Variants in TTI2 observed in about 807,000 individuals in gnomAD.
The protein encoded by TTI2 is TELO2 interacting protein 2.
In TTI2, 26 loss-of-function variants were observed where a neutral mutation model predicts 44.9. The ratio of observed to expected loss-of-function variants is 0.58; its 90% CI spans 0.42 to 0.80. TTI2 has a LOEUF of 0.80. Ranked by LOEUF, TTI2 falls within the 30% of genes least tolerant of loss-of-function variation. The pLI, the probability that TTI2 is intolerant of heterozygous loss-of-function variation, is 0.00. For synonymous variants in TTI2, 254 were observed against 250.9 expected, an observed-to-expected ratio of 1.01 and a Z score of -0.12; for missense variants, 582 against 611.6, an observed-to-expected ratio of 0.95 and a Z score of 0.51.
intron 2 of TTI2, 37 bp from the exon 3 acceptor site, chr8:33,509,969 TG>T (rs1411616593): frequency 8.9e-7 from 1 of 1,117,802 alleles, no homozygotes; most frequent in African/African-American, 1.9e-5. Flanking sequence ...AGTGACATGG[TG>T]ATAAGTAGCA....
Position 33,509,912 on chromosome 8 carries a change from G to C in TTI2, c.668C>G (p.Pro223Arg). The change falls in exon 3 of 8, where the codon CCT (proline) becomes CGT (arginine). Residue 223 changes from proline to arginine, a missense_variant. By Grantham distance (103) the Pro-to-Arg change is moderately radical. Transcript: ENST00000431156. ...DLYKESWKNN[P>R]AIKHVFSWTL... ...CCATGAGAAAACATGTTTGATGGCA[G>C]GGTTATTCTTCCAGGATTCCCTAAG... 1 of 1,608,106 alleles carries C rather than the reference G, an allele frequency of 6.2e-7. No homozygotes were observed. Among genetic ancestry groups the C allele is most frequent in the South Asian group, 1.1e-5 (1 of 90,932 alleles).
chr8:33,509,979 C>CAAAAAAAAAAAAAAA, intron 2 of TTI2, 47 bp from the exon 3 acceptor site: 3 of 416,692 alleles, frequency 7.2e-6, no homozygotes, highest in African/African-American at 3.1e-5. Flanking sequence ...TGATAAGTAG[C>CAAAAAAAAAAAAAAA]AAAAAAAAAA....
At chr8:33,504,600 A>G (rs1406775599) in intron 4 of TTI2, among the ~76,000 whole-genome samples, 1 of 151,944 alleles carries the variant, frequency 6.6e-6, no homozygotes, top group Non-Finnish European at 1.5e-5. Flanking sequence ...GTCACAGTGG[A>G]AGAAGAATTG....
chr8:33,504,072 A>G, intron 4 of TTI2, 137 bp from the exon 5 acceptor site: 5 of 867,658 alleles, frequency 5.8e-6, no homozygotes, highest in Non-Finnish European at 9.3e-6. Context: ...GTAATCATAT[A>G]TGAACTGCAC....
At chr8:33,500,641 A>C in intron 6 of TTI2, 151 bp from the exon 7 acceptor site, 3 of 927,152 alleles carry the variant, frequency 3.2e-6, no homozygotes, top group Non-Finnish European at 3.2e-6. Context: ...AACAGAACCA[A>C]AGACAGCCTC....
chr8:33,506,241 C>A (rs980765191), intron 4 of TTI2, among the ~76,000 whole-genome samples: 4 of 152,198 alleles, frequency 2.6e-5, no homozygotes, highest in Admixed American at 2.6e-4. Flanking sequence ...ACTCTTGGAA[C>A]CATGTCTGTT....
In TTI2 at chr8:33,501,979, C is replaced by T. The variant is rs57255010; in HGVS notation, c.1259+1450G>A. Among the ~76,000 whole-genome samples the T allele has an allele frequency of 2.4e-3, 361 of 151,966 alleles. 1 individual carries two copies. Among genetic ancestry groups the T allele is most frequent in the African/African-American group, 7.6e-3 (317 of 41,442 alleles). On this transcript the variant is annotated intron_variant, in intron 6 of 7. Coordinates refer to ENST00000431156, the MANE Select transcript of TTI2 (RefSeq NM_001102401.4). ...TATATTTTGAGACAGAGTCTCGCTC[C>T]GTCACCCAGTCTGGAGTGCAGTGGT...
At position 33,512,128 on chromosome 8, in the gene TTI2, T is replaced by G; in HGVS notation, c.486A>C (p.Pro162=). ...CTTCCCGAGATCTCGGAGTGGTCCATGGTTGCTCCAAGCTGTGTGTGATGG... is the reference window on the plus strand; with the variant it reads ...CTTCCCGAGATCTCGGAGTGGTCCAGGGTTGCTCCAAGCTGTGTGTGATGG... ...IFAITHSLEQ[P]WTTPRSREVA... Residue 162 remains proline (P), a synonymous_variant, in exon 2 of 8, where the codon CCA becomes CCC. Transcript: ENST00000431156. 6.2e-7 allele frequency: 1 copy of G among 1,614,184 alleles called. No individual in the cohort carries two copies. Among genetic ancestry groups the G allele is most frequent in the African/African-American group, 1.3e-5 (1 of 75,056 alleles).
chr8:33,504,083 A>G (rs899129534), intron 4 of TTI2, 148 bp from the exon 5 acceptor site: 5 of 802,368 alleles, frequency 6.2e-6, no homozygotes, highest in South Asian at 1.5e-5. Context: ...TGAACTGCAC[A>G]TTACTTTACA....
chr8:33,502,132 C>T lies in TTI2; in HGVS notation c.1259+1297G>A, dbSNP rs575963569. Among the ~76,000 whole-genome samples, 18 of 151,948 alleles carry T rather than the reference C, an allele frequency of 1.2e-4. No individual in the cohort carries two copies. The South Asian group carries it at 1.2e-3, about 11-fold the overall frequency. ...CTAAGTTTTGTATATTTAGTAAAGACGGGGTTTCACCATATTGGCCAGGCT... is the reference window on the plus strand; with the variant it reads ...CTAAGTTTTGTATATTTAGTAAAGATGGGGTTTCACCATATTGGCCAGGCT... On this transcript the variant is annotated intron_variant, in intron 6 of 7. Coordinates refer to ENST00000431156, the MANE Select transcript of TTI2 (RefSeq NM_001102401.4).
At position 33,500,357 on chromosome 8, in the gene TTI2, G is replaced by A; in HGVS notation, c.1393C>T (p.Leu465=). Residue 465 remains leucine, a synonymous_variant, in exon 7 of 8, where the codon CTG becomes TTG. Coordinates refer to ENST00000431156, the MANE Select transcript of TTI2 (RefSeq NM_001102401.4). ...ACCCGTCCTTGAGAACAGCGGTCCA[G>A]GAGAATCAGGCAGTCTGTGGCCTCC... The part of the protein sequence containing the change: ...LQEATDCLIL[L]DRCSQGRVKG... 1 of 1,614,162 alleles carries A rather than the reference G, an allele frequency of 6.2e-7. No individual in the cohort carries two copies. Among genetic ancestry groups the A allele is most frequent in the Non-Finnish European group, 8.5e-7 (1 of 1,180,022 alleles).
Position 33,500,469 on chromosome 8 carries a change from GACC to G in TTI2, c.1278_1280del (p.Val427del), listed in dbSNP as rs1291060425. On this transcript the variant is annotated inframe_deletion, in exon 7 of 8. Transcript: ENST00000431156. ...TCAGTTTCAAGAGGGCCTTCAGTAA[GACC>G]ACAAGTCTGCAGGAAACTCTGGAAT... The G allele has an allele frequency of 1.2e-6, 2 of 1,613,944 alleles. No individual in the cohort carries two copies. The highest frequency in any genetic ancestry group is 1.3e-5 in the African/African-American group (1 of 74,902).
At chr8:33,510,568 G>A (rs1387044683) in intron 2 of TTI2, among the ~76,000 whole-genome samples, 2 of 151,944 alleles carry the variant, frequency 1.3e-5, no homozygotes, top group Non-Finnish European at 2.9e-5. Flanking sequence ...GTAGAGACGG[G>A]GTTTCACCAT....
intron 7 of TTI2, 78 bp downstream of exon 7, chr8:33,500,250 A>C (rs1809017180): frequency 1.3e-6 from 2 of 1,561,438 alleles, no homozygotes; most frequent in Admixed American, 3.4e-5. Flanking sequence ...AGGCACATAC[A>C]TAGTAAATTA....
intron 3 of TTI2, among the ~76,000 whole-genome samples, chr8:33,508,312 A>G (rs537307333): frequency 2.7e-4 from 41 of 151,942 alleles, no homozygotes; most frequent in African/African-American, 9.9e-4. Flanking sequence ...TAAGAGATAA[A>G]AAGGGGGCTG....
chr8:33,504,599 G>A (rs1019520648), intron 4 of TTI2, among the ~76,000 whole-genome samples: 46 of 151,814 alleles, frequency 3.0e-4, no homozygotes, highest in African/African-American at 1.1e-3. Flanking sequence ...GGTCACAGTG[G>A]AAGAAGAATT....
rs917260096 is a variant in TTI2, at chr8:33,503,526, T to C, written c.1162A>G (p.Ile388Val). ...VRHLKRLERV[I>V]IGYLEVYDGP... ...TCATAAACCTCCAGATAACCAATGA[T>C]GACTCTCTCCAGCCTCTTTAAGTGC... The change falls in exon 6 of 8, where the codon ATC becomes GTC. Residue 388 changes from isoleucine (I) to valine (V), a missense_variant. Coordinates refer to ENST00000431156, the MANE Select transcript of TTI2 (RefSeq NM_001102401.4). 2 of 1,614,110 alleles carry C rather than the reference T, an allele frequency of 1.2e-6. No individual in the cohort carries two copies. Among genetic ancestry groups the C allele is most frequent in the Admixed American group, 1.7e-5 (1 of 59,990 alleles).
At chr8:33,502,118 ATATT>A in intron 6 of TTI2, among the ~76,000 whole-genome samples, 1 of 151,946 alleles carries the variant, frequency 6.6e-6, no homozygotes, top group East Asian at 1.9e-4. Context: ...TAAGTTTTGT[ATATT>A]TAGTAAAGAC....
In TTI2 at chr8:33,512,056, A is replaced by C; in HGVS notation, c.558T>G (p.Gly186=). Residue 186 remains glycine, a synonymous_variant, in exon 2 of 8, where the codon GGT becomes GGG. Coordinates refer to ENST00000431156, the MANE Select transcript of TTI2 (RefSeq NM_001102401.4). ...LTSLLQVTEC[G]SVAGFLHGEN... is the part of the protein sequence containing the mutation. ...CTCCATGTAGGAATCCTGCCACAGAACCGCATTCAGTAACTTGAAGCAGTG... is the reference window on the plus strand; with the variant it reads ...CTCCATGTAGGAATCCTGCCACAGACCCGCATTCAGTAACTTGAAGCAGTG... 6.2e-7 allele frequency: 1 copy of C among 1,614,090 alleles called. No homozygotes were observed. The highest frequency in any genetic ancestry group is 1.3e-5 in the African/African-American group (1 of 75,008).
Sources: allele counts gnomAD v4.1 joint callset (sites outside exome capture counted in the v4.1 genomes callset), GRCh38; gene constraint gnomAD v4.1.1; transcripts MANE v1.5; gene names NCBI Gene and HGNC (gene_info 2026-07-23, HGNC 2026-07-21).